GPC6: variants seen among roughly 807,000 people sequenced by gnomAD.
GPC6 encodes glypican 6.
GPC6 carries 14 observed loss-of-function variants against 55.2 expected under a neutral mutation model. That is an observed-to-expected ratio of 0.25 (90% CI 0.17 to 0.40). The LOEUF is 0.40. Ranked by LOEUF, GPC6 falls within the 10% of genes least tolerant of loss-of-function variation. The pLI, the probability that GPC6 is intolerant of heterozygous loss-of-function variation, is 1.00. For missense variants in GPC6, 641 were observed against 708.5 expected (o/e 0.90, Z 1.08); for synonymous variants, 278 against 259.6 (o/e 1.07, Z -0.68).
intron 3 of GPC6, among the ~76,000 whole-genome samples, chr13:93,911,178 G>A (rs1343800368): frequency 6.6e-6 from 1 of 152,148 alleles, no homozygotes; most frequent in Non-Finnish European, 1.5e-5. Context: ...GGCATTCACA[G>A]GCAAAGTCAT....
At chr13:93,223,896 C>CTTTTT (rs10592858), upstream of GPC6, among the ~76,000 whole-genome samples, 4 of 83,568 alleles carry the variant, frequency 4.8e-5, no homozygotes, top group Admixed American at 1.6e-4. Context: ...TATTTGTTTG[C>CTTTTT]TTTTTTTTTT....
At chr13:93,999,194 C>T (rs1428260894) in intron 3 of GPC6, among the ~76,000 whole-genome samples, 2 of 152,072 alleles carry the variant, frequency 1.3e-5, no homozygotes, top group African/African-American at 4.8e-5. Flanking sequence ...CCCCAGCCCT[C>T]GACAGGCCCT....
At chr13:93,736,495 A>G (rs1884005923) in intron 2 of GPC6, among the ~76,000 whole-genome samples, 2 of 152,216 alleles carry the variant, frequency 1.3e-5, no homozygotes, top group Admixed American at 6.5e-5. Flanking sequence ...AACAGTCTGA[A>G]TAACAGGTAA....
chr13:93,283,058 A>G (rs550660149), intron 1 of GPC6, among the ~76,000 whole-genome samples: 199 of 124,172 alleles, frequency 1.6e-3, no homozygotes, highest in South Asian at 2.7e-3. Context: ...AATCACTTTA[A>G]GCTCTTTTAC....
chr13:94,117,168 T>A (rs562149061), intron 4 of GPC6, among the ~76,000 whole-genome samples: 1 of 152,238 alleles, frequency 6.6e-6, no homozygotes, highest in East Asian at 1.9e-4. Context: ...ATAAGACTGC[T>A]TTCTTCCCCT....
chr13:94,298,057 T>C (rs187802569), intron 5 of GPC6, among the ~76,000 whole-genome samples: 5 of 152,190 alleles, frequency 3.3e-5, no homozygotes, highest in Non-Finnish European at 7.4e-5. Flanking sequence ...AAACTGACAT[T>C]TAAAATGCCT....
In GPC6 at chr13:94,306,090, A is replaced by G. The variant is rs1183464554; in HGVS notation, c.1119A>G (p.Pro373=). The change falls in exon 6 of 9, where the codon CCA becomes CCG. Residue 373 remains proline, a synonymous_variant. Transcript: ENST00000377047. ...RFRPYNPEER[P]TTAAGTSLDR... ...GGCCCTACAATCCTGAGGAAAGACC[A>G]ACAACTGCTGCAGGCACAAGCTTGG... 2.5e-6 allele frequency: 4 copies of G among 1,614,240 alleles called. No homozygotes were observed. Among genetic ancestry groups the G allele is most frequent in the Non-Finnish European group, 3.4e-6 (4 of 1,180,040 alleles).
chr13:93,389,106 T>A (rs1365978149), intron 1 of GPC6, among the ~76,000 whole-genome samples: 1 of 152,032 alleles, frequency 6.6e-6, no homozygotes, highest in African/African-American at 2.4e-5. Context: ...ATTGGGTGAG[T>A]TTCATAAGAG....
intron 1 of GPC6, among the ~76,000 whole-genome samples, chr13:93,533,854 A>G (rs1881956354): frequency 6.6e-6 from 1 of 152,042 alleles, no homozygotes; most frequent in Non-Finnish European, 1.5e-5. Context: ...GGATTCGTCC[A>G]AGAACTTACT....
intron 4 of GPC6, among the ~76,000 whole-genome samples, chr13:94,156,148 T>G (rs1483761013): frequency 6.6e-6 from 1 of 152,140 alleles, no homozygotes; most frequent in African/African-American, 2.4e-5. Flanking sequence ...AAACTATATA[T>G]TATGTCAATT....
At chr13:94,259,903 T>TACACAC (rs947063084) in intron 4 of GPC6, among the ~76,000 whole-genome samples, 5 of 151,886 alleles carry the variant, frequency 3.3e-5, no homozygotes, top group African/African-American at 1.2e-4. Context: ...CACACACACA[T>TACACAC]ACACACACAC....
intron 6 of GPC6, among the ~76,000 whole-genome samples, chr13:94,307,533 G>C: frequency 6.6e-6 from 1 of 152,154 alleles, no homozygotes; most frequent in Non-Finnish European, 1.5e-5. Flanking sequence ...GGCTGGTCTC[G>C]AACTCTTGAG....
chr13:93,882,347 A>G (rs992431122), intron 3 of GPC6, among the ~76,000 whole-genome samples: 1 of 151,698 alleles, frequency 6.6e-6, no homozygotes, highest in Admixed American at 6.6e-5. Flanking sequence ...GGGTTTCTCC[A>G]TGTTGCCCAG....
intron 2 of GPC6, among the ~76,000 whole-genome samples, chr13:93,622,760 A>G (rs1252405360): frequency 3.9e-5 from 6 of 152,200 alleles, no homozygotes; most frequent in Non-Finnish European, 8.8e-5. Context: ...TGAGGTGAGA[A>G]CATTCAAAAT....
At chr13:94,121,557 A>T (rs1886630293) in intron 4 of GPC6, among the ~76,000 whole-genome samples, 2 of 152,274 alleles carry the variant, frequency 1.3e-5, no homozygotes, top group South Asian at 2.1e-4. Context: ...TATAATGGAC[A>T]TTGGATGATT....
chr13:94,245,233 T>G (rs1891162167), intron 4 of GPC6, among the ~76,000 whole-genome samples: 1 of 152,044 alleles, frequency 6.6e-6, no homozygotes, highest in South Asian at 2.1e-4. Context: ...TATTTGGCAT[T>G]CATTTATTTA....
chr13:94,151,025 T>C (rs574342901), intron 4 of GPC6, among the ~76,000 whole-genome samples: 1 of 152,022 alleles, frequency 6.6e-6, no homozygotes, highest in South Asian at 2.1e-4. Flanking sequence ...TATATTCTTA[T>C]GATAGCTCAT....
intron 3 of GPC6, among the ~76,000 whole-genome samples, chr13:93,942,157 A>G (rs375306248): frequency 6.6e-6 from 1 of 152,218 alleles, no homozygotes; most frequent in Non-Finnish European, 1.5e-5. Context: ...CATTTCACAC[A>G]AAGAGTAATA....
At chr13:93,877,442 T>A (rs867609399) in intron 3 of GPC6, among the ~76,000 whole-genome samples, 11 of 147,404 alleles carry the variant, frequency 7.5e-5, no homozygotes, top group African/African-American at 2.6e-4. Flanking sequence ...AACATTTTAA[T>A]TAAAAAATAT....
Sources: allele counts gnomAD v4.1 joint callset (sites outside exome capture counted in the v4.1 genomes callset), GRCh38; gene constraint gnomAD v4.1.1; transcripts MANE v1.5; gene names NCBI Gene and HGNC (gene_info 2026-07-23, HGNC 2026-07-21).